Variants in AGBL1 observed in about 807,000 individuals in gnomAD.
The protein encoded by AGBL1 is cytosolic carboxypeptidase 4.
In AGBL1, 130 loss-of-function variants were observed where a neutral mutation model predicts 118.9. The ratio of observed to expected loss-of-function variants is 1.09; its 90% CI spans 0.95 to 1.26. The LOEUF (loss-of-function observed/expected upper bound fraction) is 1.26. AGBL1 is among the 50% of genes most tolerant of loss of function. The pLI is 0.00. For missense variants in AGBL1, 1,584 were observed against 1,298.1 expected (o/e 1.22, Z -3.38); for synonymous variants, 555 against 478.9 (o/e 1.16, Z -2.08).
intron 18 of AGBL1, among the ~76,000 whole-genome samples, chr15:86,473,539 A>G (rs926170606): frequency 7.2e-5 from 11 of 152,140 alleles, no homozygotes; most frequent in African/African-American, 2.7e-4. Context: ...TGTAGTGTGT[A>G]TATTTTTTTC....
chr15:86,803,860 G>A (rs1052240247), intron 22 of AGBL1, among the ~76,000 whole-genome samples: 1 of 152,132 alleles, frequency 6.6e-6, no homozygotes, highest in South Asian at 2.1e-4. Flanking sequence ...CTGTTGGGTA[G>A]AGATCAGAGA....
At chr15:86,764,265 A>T (rs1429223851) in intron 22 of AGBL1, among the ~76,000 whole-genome samples, 1 of 152,072 alleles carries the variant, frequency 6.6e-6, no homozygotes, top group Admixed American at 6.6e-5. Flanking sequence ...TACATGTAGC[A>T]GTACAGCTAA....
chr15:86,841,636 G>A (rs1056608986), intron 22 of AGBL1, among the ~76,000 whole-genome samples: 2 of 151,970 alleles, frequency 1.3e-5, no homozygotes, highest in African/African-American at 2.4e-5. Context: ...ATCTGAGGTC[G>A]GGAGTTTGAG....
intron 22 of AGBL1, among the ~76,000 whole-genome samples, chr15:86,786,275 G>A (rs964227828): frequency 1.3e-5 from 2 of 151,732 alleles, no homozygotes; most frequent in African/African-American, 4.8e-5. Flanking sequence ...CCCCACAACA[G>A]TCCCTAGAGT....
chr15:86,881,963 C>A (rs1162674038), intron 22 of AGBL1, among the ~76,000 whole-genome samples: 1 of 152,158 alleles, frequency 6.6e-6, no homozygotes, highest in Non-Finnish European at 1.5e-5. Flanking sequence ...CTCCCACCAG[C>A]GCCCACCTCC....
chr15:86,317,080 C>T (rs548790643), intron 17 of AGBL1: 2 of 152,402 alleles, frequency 1.3e-5, no homozygotes, highest in Admixed American at 1.3e-4. Context: ...TATAAACATG[C>T]AATTTGGTAT....
chr15:86,883,332 C>G (rs1332119487), intron 22 of AGBL1, among the ~76,000 whole-genome samples: 1 of 152,084 alleles, frequency 6.6e-6, no homozygotes, highest in East Asian at 1.9e-4. Flanking sequence ...CTCCCTCTTC[C>G]TAGCTTCAAG....
chr15:86,564,331 G>A (rs1297759780), intron 21 of AGBL1, among the ~76,000 whole-genome samples: 2 of 152,170 alleles, frequency 1.3e-5, no homozygotes, highest in East Asian at 3.9e-4. Context: ...GCCTGGAGGT[G>A]ACACAATCTC....
intron 5 of AGBL1, among the ~76,000 whole-genome samples, chr15:86,192,145 C>T (rs559697111): frequency 7.9e-5 from 12 of 151,372 alleles, no homozygotes; most frequent in South Asian, 6.3e-4. Context: ...CACACATGCA[C>T]GCATGCACGT....
intron 23 of AGBL1, among the ~76,000 whole-genome samples, chr15:86,962,616 T>C (rs1477377436): frequency 6.6e-6 from 1 of 152,094 alleles, no homozygotes; most frequent in Non-Finnish European, 1.5e-5. Context: ...TTTCAGGTTA[T>C]GCAGGACATA....
chr15:86,112,364 A>C (rs906859893), intron 1 of AGBL1, among the ~76,000 whole-genome samples: 3 of 151,746 alleles, frequency 2.0e-5, no homozygotes, highest in Admixed American at 1.3e-4. Context: ...TTAAACAAAA[A>C]ACGACATGCT....
chr15:86,671,267 TAAACAAAC>T (rs141751810), intron 21 of AGBL1, among the ~76,000 whole-genome samples: 1 of 152,138 alleles, frequency 6.6e-6, no homozygotes, highest in Admixed American at 6.5e-5. Flanking sequence ...CAATCAGATT[TAAACAAAC>T]AAACAAACAA....
intron 22 of AGBL1, among the ~76,000 whole-genome samples, chr15:86,764,619 T>A (rs1219125383): frequency 6.6e-6 from 1 of 152,100 alleles, no homozygotes; most frequent in Non-Finnish European, 1.5e-5. Flanking sequence ...AAGGCGTTGT[T>A]TATGATCTAC....
intron 17 of AGBL1, among the ~76,000 whole-genome samples, chr15:86,354,817 G>A (rs1022751121): frequency 1.3e-5 from 2 of 152,154 alleles, no homozygotes; most frequent in African/African-American, 4.8e-5. Flanking sequence ...ATTAAAGCAA[G>A]CCCAATGTAA....
At chr15:86,723,061 G>A (rs2086754057) in intron 22 of AGBL1, among the ~76,000 whole-genome samples, 1 of 152,194 alleles carries the variant, frequency 6.6e-6, no homozygotes, top group Non-Finnish European at 1.5e-5. Context: ...TGGTGGGACT[G>A]TAAACTAGTT....
intron 22 of AGBL1, among the ~76,000 whole-genome samples, chr15:86,864,859 T>G (rs1194265851): frequency 6.6e-6 from 1 of 152,248 alleles, no homozygotes; most frequent in Non-Finnish European, 1.5e-5. Context: ...GAAAGCATTC[T>G]GCAATCAGTC....
At chr15:86,396,435 T>C (rs2081365691) in intron 17 of AGBL1, among the ~76,000 whole-genome samples, 1 of 152,028 alleles carries the variant, frequency 6.6e-6, no homozygotes, top group Admixed American at 6.6e-5. Flanking sequence ...TTCATGTCAA[T>C]ACACTACCTG....
At chr15:86,994,361 C>T (rs1014800533) in intron 24 of AGBL1, among the ~76,000 whole-genome samples, 10 of 151,900 alleles carry the variant, frequency 6.6e-5, no homozygotes, top group Admixed American at 6.6e-4. Flanking sequence ...AGGATGGGGT[C>T]GGATGGGCAC....
chr15:86,190,550 T>C (rs1454264555), intron 5 of AGBL1, among the ~76,000 whole-genome samples: 1 of 152,128 alleles, frequency 6.6e-6, no homozygotes, highest in Admixed American at 6.6e-5. Context: ...TGTTGGCAAT[T>C]CTCCCTAGGT....
Sources: allele counts gnomAD v4.1 joint callset (sites outside exome capture counted in the v4.1 genomes callset), GRCh38; gene constraint gnomAD v4.1.1; transcripts MANE v1.5; gene names NCBI Gene and HGNC (gene_info 2026-07-23, HGNC 2026-07-21).